Variants in PUM1 observed in about 807,000 individuals in gnomAD.
PUM1 encodes the protein pumilio homolog 1.
PUM1 carries 13 observed loss-of-function variants against 131.8 expected under a neutral mutation model. That is an observed-to-expected ratio of 0.10 (90% confidence interval 0.06 to 0.16). PUM1 has a LOEUF of 0.16. PUM1 is among the 10% of genes least tolerant of loss of function. The pLI is 1.00. For synonymous variants in PUM1, 509 were observed against 556.5 expected (o/e 0.91, Z 1.20); for missense variants, 961 against 1,512.4 (o/e 0.64, Z 6.05).
rs1013897716 is a variant in PUM1 at position 30,952,493 on chromosome 1, C to T, written c.2592-130G>A. The T allele has an allele frequency of 2.2e-6, 3 of 1,339,426 alleles. No individual in the cohort carries two copies. In the African/African-American group the frequency reaches 4.4e-5, roughly 20 times the overall value. 83.0% of individuals were successfully genotyped at this position (1,339,426 alleles called of 1,614,324 possible). A position where few individuals can be genotyped will look rare whatever the true frequency, so the allele number is the denominator to read the frequency against. On this transcript the variant is annotated intron_variant, in intron 15 of 21. Transcript: ENST00000426105. ...GAGCATGTGTGCACACACATGCACA[C>T]AATAAACCAAACTTTATTTGAATGA...
intron 3 of PUM1, among the ~76,000 whole-genome samples, chr1:31,018,369 A>C (rs1642899425): frequency 6.6e-6 from 1 of 150,820 alleles, no homozygotes; most frequent in Non-Finnish European, 1.5e-5. Context: ...AAATGAAAAA[A>C]ATTAAAGGCT....
intron 3 of PUM1, among the ~76,000 whole-genome samples, chr1:31,018,077 G>A (rs200466649): frequency 3.3e-5 from 5 of 152,146 alleles, no homozygotes; most frequent in African/African-American, 1.2e-4. Context: ...TTTACCAGGC[G>A]CGGTGGCTCA....
chr1:31,061,027 C>T (rs1644355710), intron 1 of PUM1, among the ~76,000 whole-genome samples: 1 of 152,186 alleles, frequency 6.6e-6, no homozygotes, highest in Non-Finnish European at 1.5e-5. Context: ...CCTCAGTTGT[C>T]ACTGATTTTT....
chr1:30,934,621 C>T (rs1406835847), intron 21 of PUM1, among the ~76,000 whole-genome samples: 2 of 152,172 alleles, frequency 1.3e-5, no homozygotes, highest in African/African-American at 4.8e-5. Context: ...ACGGCGTATG[C>T]AATAATGCTA....
intron 2 of PUM1, chr1:31,050,945 C>G (rs1433202749): frequency 2.9e-5 from 6 of 205,428 alleles, no homozygotes; most frequent in Non-Finnish European, 6.3e-5. Flanking sequence ...TGCGTATGCT[C>G]AGACCAGCAA....
intron 2 of PUM1, chr1:31,051,029 T>C (rs1644095861): frequency 6.5e-6 from 1 of 153,896 alleles, no homozygotes; most frequent in Non-Finnish European, 1.5e-5. Flanking sequence ...TGGGTTTCAT[T>C]AAATTGGGCT....
At chr1:31,008,998 CCT>C (rs1487928387) in intron 3 of PUM1, among the ~76,000 whole-genome samples, 1 of 147,086 alleles carries the variant, frequency 6.8e-6, no homozygotes, top group African/African-American at 2.6e-5. Context: ...ACAGCGAAAC[CCT>C]GTCTTTACTA....
At chr1:30,958,059 G>A (rs1321639574) in intron 14 of PUM1, among the ~76,000 whole-genome samples, 1 of 152,102 alleles carries the variant, frequency 6.6e-6, no homozygotes, top group African/African-American at 2.4e-5. Flanking sequence ...TTCAGAATGG[G>A]GAAATACCTA....
chr1:30,997,683 C>T (rs1298820679), intron 5 of PUM1, among the ~76,000 whole-genome samples: 1 of 152,058 alleles, frequency 6.6e-6, no homozygotes, highest in Non-Finnish European at 1.5e-5. Context: ...TACATGCTGA[C>T]TGGCCTGAAA....
intron 2 of PUM1, among the ~76,000 whole-genome samples, chr1:31,029,689 G>C (rs1643347888): frequency 1.3e-5 from 2 of 152,266 alleles, no homozygotes; most frequent in East Asian, 3.9e-4. Flanking sequence ...GGATTCAAGA[G>C]TACATTCCTT....
chr1:30,975,794 G>C (rs1641111741), intron 9 of PUM1, among the ~76,000 whole-genome samples: 1 of 151,998 alleles, frequency 6.6e-6, no homozygotes, highest in Non-Finnish European at 1.5e-5. Flanking sequence ...CAGACCTGTT[G>C]AGAACCTTAA....
chr1:31,054,399 T>C (rs1207214244), intron 2 of PUM1, among the ~76,000 whole-genome samples: 2 of 152,046 alleles, frequency 1.3e-5, no homozygotes, highest in South Asian at 2.1e-4. Flanking sequence ...ATAAAGTACC[T>C]GGCATGACAA....
At chr1:30,980,358 T>C (rs570852918) in intron 8 of PUM1, among the ~76,000 whole-genome samples, 195 bp from the exon 9 acceptor site, 80 of 152,336 alleles carry the variant, frequency 5.3e-4, no homozygotes, top group Admixed American at 1.2e-3. Flanking sequence ...GAAATGTTTA[T>C]ATAGTCAAAT....
At chr1:30,954,192 A>C (rs1315510295) in intron 14 of PUM1, among the ~76,000 whole-genome samples, 1 of 152,216 alleles carries the variant, frequency 6.6e-6, no homozygotes, top group Non-Finnish European at 1.5e-5. Context: ...TGAGAAGGGA[A>C]TGCTTTTACC....
At chr1:30,946,704 G>T in intron 17 of PUM1, among the ~76,000 whole-genome samples, 1 of 148,050 alleles carries the variant, frequency 6.8e-6, no homozygotes, top group East Asian at 2.0e-4. Flanking sequence ...CAATAAAAAA[G>T]ATTCAAAGTA....
intron 2 of PUM1, among the ~76,000 whole-genome samples, chr1:31,033,384 T>G (rs1340588951): frequency 1.5e-5 from 1 of 65,824 alleles, no homozygotes; most frequent in East Asian, 2.2e-4. Context: ...TTCTTTTTTT[T>G]TTTTTTTTTT....
At chr1:31,017,095 T>C (rs1433924185) in intron 3 of PUM1, among the ~76,000 whole-genome samples, 2 of 152,170 alleles carry the variant, frequency 1.3e-5, no homozygotes, top group African/African-American at 4.8e-5. Context: ...TTTCAGTATT[T>C]GAAGTACTTG....
chr1:31,038,984 A>ATATATATATATTTTTTTTTTTTTT, intron 2 of PUM1, among the ~76,000 whole-genome samples: 12 of 49,416 alleles, frequency 2.4e-4, no homozygotes, highest in African/African-American at 2.1e-3. Context: ...ATATATATAT[A>ATATATATATATTTTTTTTTTTTTT]TTTTTTTTTT....
Position 30,966,159 on chromosome 1 carries a change from T to C in PUM1, c.1909A>G (p.Asn637Asp). 1.2e-6 allele frequency: 2 copies of C among 1,614,150 alleles called. No homozygotes were observed. Among genetic ancestry groups the C allele is most frequent in the Non-Finnish European group, 1.7e-6 (2 of 1,180,016 alleles). The change falls in exon 13 of 22, where the codon AAT (asparagine) becomes GAT (aspartate). Residue 637 changes from asparagine (N) to aspartate (D), a missense_variant. This residue lies in a region of PUM1 where 654 missense variants were observed against 923.9 expected (regional missense o/e 0.71). Transcript: ENST00000426105. The stretch of plus-strand genomic sequence containing the variant: ...AAAGAACTGGATGCCAGGTTGTTAT[T>C]GGGCTGCTGCTGGGGCTGGGGCTGA... ...QPQPQPQQQP[N>D]NNLASSSFYG...
Sources: allele counts gnomAD v4.1 joint callset (sites outside exome capture counted in the v4.1 genomes callset), GRCh38; gene constraint gnomAD v4.1.1; regional missense constraint gnomAD v4.1.1; transcripts MANE v1.5; gene names NCBI Gene and HGNC (gene_info 2026-07-23, HGNC 2026-07-21).